The following TLE1 variants were observed in gnomAD, a reference collection of about 807,000 sequenced individuals.
TLE1 encodes the protein transducin-like enhancer protein 1.
In TLE1, 21 loss-of-function variants were observed where a neutral mutation model predicts 89.8. That is an observed-to-expected ratio of 0.23 (90% confidence interval 0.17 to 0.34). The LOEUF is 0.34. Among genes scored for constraint, TLE1 ranks in the 10% least tolerant of loss-of-function variants. The pLI, the probability that TLE1 is intolerant of heterozygous loss-of-function variation, is 1.00. For synonymous variants in TLE1, 447 were observed against 407.6 expected, an observed-to-expected ratio of 1.10 and a Z score of -1.16; for missense variants, 795 against 1,031.2, an observed-to-expected ratio of 0.77 and a Z score of 3.14.
intron 4 of TLE1, among the ~76,000 whole-genome samples, chr9:81,665,499 G>A (rs1785065500): frequency 6.6e-6 from 1 of 152,008 alleles, no homozygotes; most frequent in African/African-American, 2.4e-5. Flanking sequence ...TGAAAACAAG[G>A]AGGGGTTAAA....
At chr9:81,642,737 G>A (rs984635837) in intron 6 of TLE1, among the ~76,000 whole-genome samples, 42 of 113,066 alleles carry the variant, frequency 3.7e-4, no homozygotes, top group Non-Finnish European at 6.4e-4. Flanking sequence ...GAAAGAAAGA[G>A]AGAGAAAATG....
intron 6 of TLE1, among the ~76,000 whole-genome samples, chr9:81,646,158 G>A (rs1192401522): frequency 6.6e-6 from 1 of 152,142 alleles, no homozygotes; most frequent in African/African-American, 2.4e-5. Flanking sequence ...AATATGTGGG[G>A]AAATTAAAAA....
intron 6 of TLE1, among the ~76,000 whole-genome samples, chr9:81,639,350 C>T (rs916447460): frequency 1.4e-4 from 21 of 152,058 alleles, no homozygotes; most frequent in African/African-American, 3.6e-4. Flanking sequence ...CAAGCGTAAG[C>T]TACCATAGCT....
intron 9 of TLE1, among the ~76,000 whole-genome samples, chr9:81,616,953 T>A (rs1245979217): frequency 1.3e-5 from 2 of 152,132 alleles, no homozygotes; most frequent in African/African-American, 2.4e-5. Context: ...AATCACAACT[T>A]GTTTACAGGT....
At chr9:81,626,151 T>C (rs1764875533) in intron 8 of TLE1, among the ~76,000 whole-genome samples, 2 of 152,190 alleles carry the variant, frequency 1.3e-5, no homozygotes, top group African/African-American at 2.4e-5. Flanking sequence ...TGGATTTCTT[T>C]AGCTGCCATG....
At chr9:81,602,322 C>T (rs1282639393) in intron 14 of TLE1, among the ~76,000 whole-genome samples, 1 of 152,184 alleles carries the variant, frequency 6.6e-6, no homozygotes, top group African/African-American at 2.4e-5. Flanking sequence ...ACAGGTCGAA[C>T]ATCCCTTATC....
chr9:81,605,852 A>T (rs1319920074), intron 14 of TLE1, among the ~76,000 whole-genome samples: 2 of 152,102 alleles, frequency 1.3e-5, no homozygotes, highest in Non-Finnish European at 2.9e-5. Context: ...ACAGAATGGG[A>T]GAAAATTTTT....
chr9:81,633,797 C>T, intron 7 of TLE1: 1 of 479,624 alleles, frequency 2.1e-6, no homozygotes, highest in Non-Finnish European at 3.7e-6. Flanking sequence ...TTGAAAATTA[C>T]CCAATTAAGC....
intron 4 of TLE1, among the ~76,000 whole-genome samples, chr9:81,673,966 G>A (rs1167367601): frequency 1.3e-5 from 2 of 152,112 alleles, no homozygotes; most frequent in Admixed American, 6.5e-5. Context: ...AGACCAAGAC[G>A]CAGATCAATG....
At chr9:81,658,178 C>T (rs1242573377) in intron 4 of TLE1, among the ~76,000 whole-genome samples, 2 of 151,892 alleles carry the variant, frequency 1.3e-5, no homozygotes, top group African/African-American at 2.4e-5. Flanking sequence ...TCCCAAAGTG[C>T]TAGGATTTAT....
At chr9:81,688,129 G>C in intron 1 of TLE1, 88 bp downstream of exon 1, 1 of 1,530,090 alleles carries the variant, frequency 6.5e-7, no homozygotes, top group Non-Finnish European at 8.9e-7. Context: ...GGTCCGCCGG[G>C]CCTCAGAAGC....
At chr9:81,665,291 A>G (rs1418757924) in intron 4 of TLE1, among the ~76,000 whole-genome samples, 1 of 152,210 alleles carries the variant, frequency 6.6e-6, no homozygotes, top group Non-Finnish European at 1.5e-5. Context: ...TGATTAAAAC[A>G]AAACAAAGAG....
intron 14 of TLE1, among the ~76,000 whole-genome samples, chr9:81,595,897 A>G (rs1830139651): frequency 6.6e-6 from 1 of 152,154 alleles, no homozygotes; most frequent in African/African-American, 2.4e-5. Context: ...TAAGATGGAG[A>G]AACTGCTTCT....
At chr9:81,633,307 GT>G (rs1826931454) in intron 8 of TLE1, 40 bp downstream of exon 8, 1 of 1,605,220 alleles carries the variant, frequency 6.2e-7, no homozygotes. Context: ...GTGTGTGTGT[GT>G]GTGTGTGTGT....
At chr9:81,612,403 C>T (rs1483737213) in intron 12 of TLE1, 3 of 982,878 alleles carry the variant, frequency 3.1e-6, no homozygotes, top group Non-Finnish European at 2.4e-6. Flanking sequence ...CCTGGATTTA[C>T]GTAAACCAAA....
In TLE1 at chr9:81,584,436, G is replaced by A. The variant is rs201511935; in HGVS notation, c.2205+12C>T. ...GTCAAACTGTGGATCTAGGTGAGGA[G>A]TACTTACTCACCTGGAATATGCTGG... On this transcript the variant is annotated intron_variant, in intron 19 of 19. Transcript: ENST00000376499. 2,573 of 1,613,626 alleles carry A rather than the reference G, an allele frequency of 1.6e-3. 2 individuals are homozygous for A. Among genetic ancestry groups the A allele is most frequent in the Non-Finnish European group, 2.1e-3 (2,444 of 1,179,582 alleles).
intron 8 of TLE1, chr9:81,620,868 A>G: frequency 2.6e-6 from 2 of 760,964 alleles, no homozygotes; most frequent in Admixed American, 4.3e-5. Flanking sequence ...ATGTGTTTTT[A>G]TTCTTTCCCA....
chr9:81,624,538 G>A (rs144595528), intron 8 of TLE1, among the ~76,000 whole-genome samples: 67 of 152,148 alleles, frequency 4.4e-4, no homozygotes, highest in African/African-American at 1.6e-3. Flanking sequence ...ATATTTATTT[G>A]CCAAATAAAT....
Position 81,689,168 on chromosome 9 carries a change from C to G in TLE1, c.-928G>C, listed in dbSNP as rs1167667541. 1 of 152,356 alleles carries G rather than the reference C, an allele frequency of 6.6e-6. No individual in the cohort carries two copies. Among genetic ancestry groups the G allele is most frequent in the Non-Finnish European group, 1.5e-5 (1 of 68,138 alleles). The allele number at this position is 152,356 out of a possible 1,614,324, so 9.4% of individuals were successfully genotyped here. A position where few individuals can be genotyped will look rare whatever the true frequency, so the allele number is the denominator to read the frequency against. On this transcript the variant is annotated 5_prime_UTR_variant, in exon 1 of 20. Transcript: ENST00000376499. ...CGGTCTTCTTTCTTTCCTTCCTTCA[C>G]CTTCGTGTGCTTCTCCGCAAAGGGC...
Sources: gnomAD v4.1 joint callset for allele counts (sites outside exome capture counted in the v4.1 genomes callset) on GRCh38, gnomAD v4.1.1 for gene constraint, MANE v1.5 for transcripts, NCBI Gene and HGNC (gene_info 2026-07-23, HGNC 2026-07-21) for gene names.